Variants in FSTL5 observed in about 807,000 individuals in gnomAD.
FSTL5 encodes the protein follistatin-related protein 5.
A neutral mutation model predicts 89.1 loss-of-function variants in FSTL5; 62 were observed. That is an observed-to-expected ratio of 0.70 (90% CI 0.57 to 0.86). The LOEUF is 0.86. Among genes scored for constraint, FSTL5 ranks in the 40% least tolerant of loss-of-function variants. FSTL5 has a pLI of 0.00. For missense variants in FSTL5, 1,057 were observed against 1,001.6 expected, an observed-to-expected ratio of 1.06 and a Z score of -0.75; for synonymous variants, 383 against 346.2, an observed-to-expected ratio of 1.11 and a Z score of -1.18.
intron 7 of FSTL5, among the ~76,000 whole-genome samples, chr4:161,606,864 T>C (rs185971907): frequency 1.3e-3 from 196 of 152,278 alleles, no homozygotes; most frequent in African/African-American, 4.5e-3. Context: ...CATAAACTTT[T>C]AGGGTTATAT....
chr4:161,811,137 G>T (rs762982644), intron 4 of FSTL5, among the ~76,000 whole-genome samples: 3 of 152,118 alleles, frequency 2.0e-5, no homozygotes, highest in Admixed American at 6.6e-5. Context: ...GAGAAATGTG[G>T]CATTACATTG....
intron 8 of FSTL5, among the ~76,000 whole-genome samples, chr4:161,547,034 T>C (rs937564468): frequency 2.6e-5 from 4 of 152,070 alleles, no homozygotes; most frequent in African/African-American, 9.7e-5. Context: ...GTTCTCTTGC[T>C]CTTGCAGAAT....
intron 1 of FSTL5, among the ~76,000 whole-genome samples, chr4:162,111,661 T>C (rs1412719350): frequency 5.9e-5 from 9 of 151,824 alleles, no homozygotes; most frequent in African/African-American, 2.2e-4. Context: ...CTGATAAAAA[T>C]GTGGTAAGAA....
At chr4:161,832,783 T>C (rs1169923446) in intron 4 of FSTL5, among the ~76,000 whole-genome samples, 1 of 151,666 alleles carries the variant, frequency 6.6e-6, no homozygotes, top group Non-Finnish European at 1.5e-5. Flanking sequence ...TCTTCTTTAT[T>C]AGTCTTGCTA....
rs903404855 is a variant in FSTL5 at position 162,163,994 on chromosome 4, A to G, written c.-396T>C. 6.6e-6 allele frequency: 1 copy of G among 152,468 alleles called. No homozygotes were observed. The highest frequency in any genetic ancestry group is 2.4e-5 in the African/African-American group (1 of 41,448). 9.4% of individuals were successfully genotyped at this position (152,468 alleles called of 1,614,324 possible). A position where few individuals can be genotyped will look rare whatever the true frequency, so the allele number is the denominator to read the frequency against. ...GCTCCTTTCACCTCCAGTTTGTCTCAGTCACTGAACCAGGCTGATTCTCGC... is the reference window on the plus strand; with the variant it reads ...GCTCCTTTCACCTCCAGTTTGTCTCGGTCACTGAACCAGGCTGATTCTCGC... On this transcript the variant is annotated 5_prime_UTR_variant, in exon 1 of 16. Transcript: ENST00000306100.
intron 14 of FSTL5, among the ~76,000 whole-genome samples, chr4:161,457,319 T>A (rs56746736): frequency 0.07 from 10,608 of 152,308 alleles, 779 homozygotes; most frequent in East Asian, 0.36. Context: ...TTTTATATTT[T>A]CACTTGTGAC....
intron 3 of FSTL5, among the ~76,000 whole-genome samples, chr4:161,949,768 G>GT (rs34691219): frequency 0.082 from 12,041 of 146,330 alleles, 547 homozygotes; most frequent in Admixed American, 0.16. Flanking sequence ...CAAGCTAAAA[G>GT]TTTTTTTTTT....
chr4:162,149,939 A>G (rs1481930086), intron 1 of FSTL5, among the ~76,000 whole-genome samples: 1 of 152,118 alleles, frequency 6.6e-6, no homozygotes, highest in Non-Finnish European at 1.5e-5. Context: ...TTGAATGAAA[A>G]ACAGATATAT....
intron 3 of FSTL5, among the ~76,000 whole-genome samples, chr4:161,928,491 C>T (rs888410451): frequency 1.3e-5 from 2 of 151,664 alleles, no homozygotes; most frequent in Admixed American, 1.3e-4. Flanking sequence ...AAAAAACTAC[C>T]AAACTGTCTT....
intron 6 of FSTL5, among the ~76,000 whole-genome samples, chr4:161,686,445 G>A (rs1350869737): frequency 9.0e-5 from 12 of 133,160 alleles, no homozygotes; most frequent in Admixed American, 2.5e-4. Flanking sequence ...TGCAAGCTCC[G>A]CCTCCCAGGT....
intron 4 of FSTL5, among the ~76,000 whole-genome samples, chr4:161,793,141 C>A (rs1346393238): frequency 6.6e-6 from 1 of 152,214 alleles, no homozygotes; most frequent in African/African-American, 2.4e-5. Flanking sequence ...GCAACTGGAC[C>A]AGTGCCTAGA....
Position 161,455,870 on chromosome 4 carries a change from C to T in FSTL5, c.1717-742G>A, listed in dbSNP as rs574253806. On this transcript the variant is annotated intron_variant, in intron 14 of 15. Coordinates refer to ENST00000306100, the MANE Select transcript of FSTL5 (RefSeq NM_020116.5). ...GGCCTTTTTCCTGCCTTTACTTTATCCACTTTTAAATACTTTCTACATATG... is the reference window on the plus strand; with the variant it reads ...GGCCTTTTTCCTGCCTTTACTTTATTCACTTTTAAATACTTTCTACATATG... Among the ~76,000 whole-genome samples, 3 of 152,218 alleles carry T rather than the reference C, an allele frequency of 2.0e-5. No individual in the cohort carries two copies. In the South Asian group the frequency reaches 6.2e-4, roughly 32 times the overall value.
In FSTL5 at chr4:161,581,113, CAT is replaced by C. The variant is rs1477634358; in HGVS notation, c.1015+6340_1015+6341del. Among the ~76,000 whole-genome samples the C allele has an allele frequency of 3.3e-5, 5 of 152,252 alleles. No individual in the cohort carries two copies. In the East Asian group the frequency reaches 7.7e-4, roughly 24 times the overall value. On this transcript the variant is annotated intron_variant, in intron 8 of 15. Coordinates refer to ENST00000306100, the MANE Select transcript of FSTL5 (RefSeq NM_020116.5). Reference sequence around the variant, plus strand: ...AGTTGAAGAATATGAAGAAGGGAAACATATTCCCACCTGTCATCTTTTTAGGA... The same window carrying C: ...AGTTGAAGAATATGAAGAAGGGAAACATTCCCACCTGTCATCTTTTTAGGA...
chr4:161,522,943 C>CTATT (rs59364036), intron 10 of FSTL5, among the ~76,000 whole-genome samples: 42,606 of 151,570 alleles, frequency 0.28, 6,779 homozygotes, highest in Non-Finnish European at 0.38. Context: ...TTTTTATCCT[C>CTATT]TAATACACTT....
chr4:162,091,940 A>G (rs943256608), intron 2 of FSTL5, among the ~76,000 whole-genome samples: 1 of 146,030 alleles, frequency 6.8e-6, no homozygotes, highest in Non-Finnish European at 1.5e-5. Context: ...TTTAGACAAT[A>G]TATGTATATC....
chr4:161,749,796 A>T (rs898767229), intron 6 of FSTL5, among the ~76,000 whole-genome samples: 1 of 151,356 alleles, frequency 6.6e-6, no homozygotes, highest in Non-Finnish European at 1.5e-5. Flanking sequence ...CGTCAAAAAA[A>T]AAATAAAAAT....
At chr4:161,681,875 C>G (rs191762971) in intron 6 of FSTL5, among the ~76,000 whole-genome samples, 3 of 151,976 alleles carry the variant, frequency 2.0e-5, no homozygotes, top group Non-Finnish European at 4.4e-5. Context: ...TTAATGACAG[C>G]GATACTTTCT....
At chr4:161,753,311 G>A (rs1420154226) in intron 6 of FSTL5, among the ~76,000 whole-genome samples, 1 of 152,054 alleles carries the variant, frequency 6.6e-6, no homozygotes, top group Non-Finnish European at 1.5e-5. Context: ...CGTGACCCCT[G>A]CTTTAATAAA....
intron 8 of FSTL5, among the ~76,000 whole-genome samples, chr4:161,567,379 T>C (rs1411966900): frequency 2.0e-5 from 3 of 152,150 alleles, no homozygotes; most frequent in Admixed American, 2.0e-4. Context: ...AGTGCCCTCA[T>C]GTTAAATCTT....
Sources: gnomAD v4.1 joint callset for allele counts (sites outside exome capture counted in the v4.1 genomes callset) on GRCh38, gnomAD v4.1.1 for gene constraint, MANE v1.5 for transcripts, NCBI Gene and HGNC (gene_info 2026-07-23, HGNC 2026-07-21) for gene names.